ADGRG6: variants seen among roughly 807,000 people sequenced by gnomAD.
ADGRG6 encodes adhesion G protein-coupled receptor G6, also known as G-protein coupled receptor 126.
A neutral mutation model predicts 142.4 loss-of-function variants in ADGRG6; 84 were observed. That is an observed-to-expected ratio of 0.59 (90% CI 0.49 to 0.71). The LOEUF is 0.71. Ranked by LOEUF, ADGRG6 falls within the 30% of genes least tolerant of loss-of-function variation. The probability of loss-of-function intolerance (pLI) is 0.00; values close to 1 mark genes in which losing one functional copy is unlikely to be tolerated. For synonymous variants in ADGRG6, 521 were observed against 520.5 expected (o/e 1.00, Z -0.01); for missense variants, 1,367 against 1,466.6 (o/e 0.93, Z 1.11).
intron 4 of ADGRG6, among the ~76,000 whole-genome samples, chr6:142,377,619 A>G: frequency 6.6e-6 from 1 of 152,220 alleles, no homozygotes; most frequent in East Asian, 1.9e-4. Context: ...GTGAACACAT[A>G]CACATCATAT....
At chr6:142,305,216 G>A (rs909172539) in intron 1 of ADGRG6, among the ~76,000 whole-genome samples, 6 of 152,070 alleles carry the variant, frequency 3.9e-5, no homozygotes, top group African/African-American at 7.2e-5. Flanking sequence ...AGAGGGCCGT[G>A]ACATGAAAAC....
At position 142,443,319 on chromosome 6, in the gene ADGRG6, T is replaced by C; in HGVS notation, c.3575-18T>C. 6.3e-7 allele frequency: 1 copy of C among 1,595,796 alleles called. No homozygotes were observed. The highest frequency in any genetic ancestry group is 8.6e-7 in the Non-Finnish European group (1 of 1,167,860). On this transcript the variant is annotated intron_variant, in intron 24 of 24. Coordinates refer to ENST00000367609, the MANE Select transcript of ADGRG6 (RefSeq NM_198569.3). ...ACCAGCTCATCTTGAACCTAATTTC[T>C]TGTATCATTTCTTGCAGACAGTGCT...
At chr6:142,390,063 G>A (rs1446207869) in intron 6 of ADGRG6, among the ~76,000 whole-genome samples, 195 bp from the exon 7 acceptor site, 1 of 151,768 alleles carries the variant, frequency 6.6e-6, no homozygotes, top group African/African-American at 2.4e-5. Flanking sequence ...AGGTCAATAA[G>A]CTTAACATCA....
At chr6:142,430,521 C>T (rs144414731) in intron 22 of ADGRG6, among the ~76,000 whole-genome samples, 447 of 152,178 alleles carry the variant, frequency 2.9e-3, no homozygotes, top group Middle Eastern at 0.014. Context: ...TTTACATTTG[C>T]CCCCAGAAAG....
chr6:142,423,305 C>G (rs1231899772), intron 22 of ADGRG6, among the ~76,000 whole-genome samples: 1 of 147,190 alleles, frequency 6.8e-6, no homozygotes, highest in Admixed American at 6.8e-5. Flanking sequence ...TTAGGTCTAA[C>G]GTTTAAATCT....
intron 2 of ADGRG6, among the ~76,000 whole-genome samples, chr6:142,337,738 C>T (rs1279197885): frequency 1.3e-5 from 2 of 151,860 alleles, no homozygotes; most frequent in Non-Finnish European, 2.9e-5. Flanking sequence ...TGTCAGTAAG[C>T]CTGGTTCTCA....
At chr6:142,389,320 T>C (rs1377097334) in intron 6 of ADGRG6, among the ~76,000 whole-genome samples, 1 of 151,970 alleles carries the variant, frequency 6.6e-6, no homozygotes, top group African/African-American at 2.4e-5. Context: ...ATTATGTATT[T>C]CTATATTTTG....
chr6:142,321,901 T>G (rs1778537972), intron 2 of ADGRG6, among the ~76,000 whole-genome samples: 1 of 152,128 alleles, frequency 6.6e-6, no homozygotes, highest in Non-Finnish European at 1.5e-5. Context: ...AGGACACAAT[T>G]AACATAATTT....
At chr6:142,439,197 ATG>A (rs1480438411) in intron 24 of ADGRG6, among the ~76,000 whole-genome samples, 1 of 152,212 alleles carries the variant, frequency 6.6e-6, no homozygotes, top group Non-Finnish European at 1.5e-5. Flanking sequence ...TGATGTGAAA[ATG>A]TGTAACTTTT....
In ADGRG6 at chr6:142,437,491, G is replaced by A. The variant is rs758839563; in HGVS notation, c.3377G>A (p.Arg1126Gln). ...AAGGAGAATGTTCAGAAACAGTGGC[G>A]GCAGCATCTCTGCTGTGGTAGATTT... The part of the protein sequence containing the change: ...AMKENVQKQW[R>Q]QHLCCGRFRL... The change falls in exon 23 of 25, where the codon CGG (arginine) becomes CAG (glutamine). Residue 1126 changes from arginine (R) to glutamine (Q), a missense_variant. Physicochemically the swap from Arg to Gln is conservative, Grantham distance 43 (BLOSUM62 1). This residue lies in a region of ADGRG6 where 344 missense variants were observed against 348.7 expected (regional missense o/e 0.99). Coordinates refer to ENST00000367609, the MANE Select transcript of ADGRG6 (RefSeq NM_198569.3). The A allele has an allele frequency of 1.3e-5, 20 of 1,587,456 alleles. 1 individual carries two copies. The highest frequency in any genetic ancestry group is 6.6e-5 in the South Asian group (6 of 90,532).
At chr6:142,334,829 G>T (rs1272240511) in intron 2 of ADGRG6, among the ~76,000 whole-genome samples, 1 of 152,156 alleles carries the variant, frequency 6.6e-6, no homozygotes, top group Non-Finnish European at 1.5e-5. Context: ...TTAGGCTTAT[G>T]AAATAAGATG....
At chr6:142,365,532 A>G (rs953367066) in intron 2 of ADGRG6, among the ~76,000 whole-genome samples, 2 of 152,180 alleles carry the variant, frequency 1.3e-5, no homozygotes, top group African/African-American at 4.8e-5. Context: ...TCATCTCACA[A>G]ATGGAAGTAA....
At chr6:142,418,190 C>T (rs1023085343) in intron 21 of ADGRG6, among the ~76,000 whole-genome samples, 46 of 150,264 alleles carry the variant, frequency 3.1e-4, no homozygotes, top group African/African-American at 9.8e-5. Context: ...AGCTACTACT[C>T]GGGAGGCTGA....
At chr6:142,377,477 C>T (rs1033722114) in intron 4 of ADGRG6, among the ~76,000 whole-genome samples, 1 of 152,204 alleles carries the variant, frequency 6.6e-6, no homozygotes, top group Middle Eastern at 3.2e-3. Flanking sequence ...TGCACGAAAG[C>T]ATCTGATGTA....
chr6:142,406,105 G>T (rs1262417594), intron 15 of ADGRG6, among the ~76,000 whole-genome samples: 2 of 151,574 alleles, frequency 1.3e-5, no homozygotes, highest in African/African-American at 2.4e-5. Flanking sequence ...AGAAATGACC[G>T]TTTATTATTA....
intron 5 of ADGRG6, among the ~76,000 whole-genome samples, chr6:142,383,043 T>C (rs913621557): frequency 1.3e-5 from 2 of 152,126 alleles, no homozygotes; most frequent in Non-Finnish European, 2.9e-5. Flanking sequence ...CAAATTGTTA[T>C]ATGAAATAAA....
chr6:142,401,919 T>C, intron 11 of ADGRG6, 75 bp from the exon 12 acceptor site: 1 of 682,380 alleles, frequency 1.5e-6, no homozygotes, highest in South Asian at 1.8e-5. Flanking sequence ...GTATATATCA[T>C]GTAAAAATCC....
Position 142,370,740 on chromosome 6 carries a change from A to C in ADGRG6, c.1016A>C (p.Asp339Ala). 1 of 1,613,522 alleles carries C rather than the reference A, an allele frequency of 6.2e-7. No homozygotes were observed. Among genetic ancestry groups the C allele is most frequent in the Non-Finnish European group, 8.5e-7 (1 of 1,179,738 alleles). Residue 339 changes from aspartate (D) to alanine (A), a missense_variant, in exon 4 of 25, where the codon GAC becomes GCC. This residue lies in a region of ADGRG6 where 737 missense variants were observed against 746.5 expected (regional missense o/e 0.99). Coordinates refer to ENST00000367609, the MANE Select transcript of ADGRG6 (RefSeq NM_198569.3). ...GGGAATGTAGTCGACTGGCAAAATG[A>C]CTTCTGGAATATCCCAAACCTAGCT... Reference protein sequence around the residue: ...VKGNVVDWQNDFWNIPNLALK... With the variant: ...VKGNVVDWQNAFWNIPNLALK...
At chr6:142,438,520 A>G (rs1045545219) in intron 24 of ADGRG6, among the ~76,000 whole-genome samples, 156 bp downstream of exon 24, 3 of 152,196 alleles carry the variant, frequency 2.0e-5, no homozygotes, top group Non-Finnish European at 4.4e-5. Flanking sequence ...CAACACCTTT[A>G]TGAATATTTT....
Sources: allele counts gnomAD v4.1 joint callset (sites outside exome capture counted in the v4.1 genomes callset), GRCh38; gene constraint gnomAD v4.1.1; regional missense constraint gnomAD v4.1.1; transcripts MANE v1.5; gene names NCBI Gene and HGNC (gene_info 2026-07-23, HGNC 2026-07-21).